VTI1A: variants seen among roughly 807,000 people sequenced by gnomAD.
The protein encoded by VTI1A is vesicle transport through interaction with t-SNAREs 1A, also known as vesicle transport through interaction with t-SNAREs homolog 1A.
In VTI1A, 22 loss-of-function variants were observed where a neutral mutation model predicts 34.9. That is an observed-to-expected ratio of 0.63 (90% CI 0.45 to 0.90). VTI1A has a LOEUF of 0.90. VTI1A is among the 40% of genes least tolerant of loss of function. The pLI is 0.00. For synonymous variants in VTI1A, 87 were observed against 97.3 expected (o/e 0.89, Z 0.62); for missense variants, 268 against 275.6 (o/e 0.97, Z 0.20).
chr10:112,668,056 T>A (rs2133834624), intron 5 of VTI1A, among the ~76,000 whole-genome samples, 162 bp from the exon 6 acceptor site: 1 of 152,314 alleles, frequency 6.6e-6, no homozygotes, highest in Admixed American at 6.5e-5. Context: ...GATAAATTTA[T>A]CAAATACTGT....
rs1180475445 is a variant in VTI1A at position 112,713,067 on chromosome 10, A to G, written c.560+44069A>G. 3.9e-5 allele frequency among the ~76,000 whole-genome samples: 6 copies of G among 152,042 alleles called. 1 individual carries two copies. In the South Asian group the frequency reaches 1.0e-3, roughly 26 times the overall value. ...TTAGGGATCCCCTTTCTGTGTTTCC[A>G]TGGCCATCAAGGCTGCCCAGAATGG... is the stretch of plus-strand genomic sequence containing the variant. On this transcript the variant is annotated intron_variant, in intron 7 of 7. Transcript: ENST00000393077.
chr10:112,668,296 C>A lies in VTI1A; in HGVS notation c.498+8C>A, dbSNP rs756879646. ...CAGCGAGCACGTGAAAGAGTAAGTACAATTGATACAGTTTTTTCACATATT... is the reference window on the plus strand; with the variant it reads ...CAGCGAGCACGTGAAAGAGTAAGTAAAATTGATACAGTTTTTTCACATATT... On this transcript the variant is annotated splice_region_variant and intron_variant, in intron 6 of 7. Transcript: ENST00000393077. 3.7e-6 allele frequency: 6 copies of A among 1,610,934 alleles called. No individual in the cohort carries two copies. Among genetic ancestry groups the A allele is most frequent in the Middle Eastern group, 1.7e-4 (1 of 6,042 alleles).
chr10:112,537,955 G>A (rs1157177461), intron 4 of VTI1A, among the ~76,000 whole-genome samples: 1 of 152,154 alleles, frequency 6.6e-6, no homozygotes, highest in African/African-American at 2.4e-5. Flanking sequence ...CAAAGATCCA[G>A]TTGGGTATGG....
intron 5 of VTI1A, among the ~76,000 whole-genome samples, chr10:112,591,648 G>C (rs1844396428): frequency 6.6e-6 from 1 of 152,174 alleles, no homozygotes. Flanking sequence ...GGTAAAATCT[G>C]GACATCTCAG....
chr10:112,841,718 G>A, the VTI1A span, among the ~76,000 whole-genome samples: 1 of 152,208 alleles, frequency 6.6e-6, no homozygotes, highest in African/African-American at 2.4e-5. Flanking sequence ...CAGATGTGGG[G>A]TGCGGCACTC....
intron 5 of VTI1A, among the ~76,000 whole-genome samples, chr10:112,550,557 C>A (rs1000566251): frequency 3.3e-5 from 5 of 152,022 alleles, no homozygotes; most frequent in African/African-American, 1.2e-4. Flanking sequence ...TCCTCTTGGG[C>A]TACAGTGTTT....
At chr10:112,514,134 G>C (rs374427544) in intron 3 of VTI1A, among the ~76,000 whole-genome samples, 2 of 151,924 alleles carry the variant, frequency 1.3e-5, no homozygotes, top group Non-Finnish European at 1.5e-5. Context: ...GAAAGCTGTC[G>C]GTCCTGGAAT....
chr10:112,517,713 T>C (rs566893170), intron 3 of VTI1A, among the ~76,000 whole-genome samples: 17 of 152,024 alleles, frequency 1.1e-4, no homozygotes, highest in Non-Finnish European at 2.5e-4. Context: ...ATGACTCCAA[T>C]CTAGTCATGA....
chr10:112,633,003 A>G (rs1353162776), intron 5 of VTI1A, among the ~76,000 whole-genome samples: 1 of 152,182 alleles, frequency 6.6e-6, no homozygotes, highest in Non-Finnish European at 1.5e-5. Flanking sequence ...TTTTTTAAAA[A>G]TCCTGTGTGA....
chr10:112,657,843 TAAAAC>T (rs1219697022), intron 5 of VTI1A, among the ~76,000 whole-genome samples: 6 of 151,914 alleles, frequency 3.9e-5, no homozygotes, highest in East Asian at 1.9e-4. Flanking sequence ...ATATATGCCT[TAAAAC>T]AGAACAACAA....
chr10:112,627,953 G>T (rs930276206), intron 5 of VTI1A, among the ~76,000 whole-genome samples: 3 of 152,186 alleles, frequency 2.0e-5, no homozygotes, highest in Non-Finnish European at 4.4e-5. Flanking sequence ...GGATATTTAG[G>T]CAGAGAACAG....
Position 112,756,818 on chromosome 10 carries a change from C to T in VTI1A, c.561-58472C>T, listed in dbSNP as rs116551468. Among the ~76,000 whole-genome samples, 390 of 152,080 alleles carry T rather than the reference C, an allele frequency of 2.6e-3. 3 individuals carry two copies. Among genetic ancestry groups the T allele is most frequent in the African/African-American group, 8.9e-3 (371 of 41,478 alleles). On this transcript the variant is annotated intron_variant, in intron 7 of 7. Transcript: ENST00000393077. ...ATCCTAGCACTTTAGGAGGCCGAGCCGGGAGAATCCCTGAGTCCCAGAGCT... is the reference window on the plus strand; with the variant it reads ...ATCCTAGCACTTTAGGAGGCCGAGCTGGGAGAATCCCTGAGTCCCAGAGCT...
intron 7 of VTI1A, among the ~76,000 whole-genome samples, chr10:112,773,234 A>T (rs1413568996): frequency 6.6e-6 from 1 of 152,218 alleles, no homozygotes. Context: ...CTAAGGTAGG[A>T]TAATAATACC....
At chr10:112,467,835 A>G (rs953701707) in intron 3 of VTI1A, among the ~76,000 whole-genome samples, 2 of 152,218 alleles carry the variant, frequency 1.3e-5, no homozygotes. Flanking sequence ...TCATTCAACA[A>G]GAGTTTCTTG....
At chr10:112,822,506 C>T (rs933131602), downstream of VTI1A, among the ~76,000 whole-genome samples, 7 of 152,140 alleles carry the variant, frequency 4.6e-5, no homozygotes, top group African/African-American at 7.2e-5. Context: ...AGTCCAAATC[C>T]GCTGTGGTGT....
the VTI1A span, among the ~76,000 whole-genome samples, chr10:112,844,489 C>A: frequency 5.6e-4 from 86 of 152,300 alleles, no homozygotes; most frequent in African/African-American, 1.9e-3. Flanking sequence ...ATCTCCACCT[C>A]CCGGGTTGAA....
chr10:112,459,508 C>T (rs945064765), intron 1 of VTI1A, among the ~76,000 whole-genome samples: 4 of 152,252 alleles, frequency 2.6e-5, no homozygotes, highest in South Asian at 2.1e-4. Flanking sequence ...GATTAGATGC[C>T]GGTCATTTGC....
At chr10:112,789,952 CT>C (rs71035402) in intron 7 of VTI1A, among the ~76,000 whole-genome samples, 65,506 of 140,968 alleles carry the variant, frequency 0.46, 15,110 homozygotes, top group East Asian at 0.73. Flanking sequence ...TTTTTCTTTC[CT>C]TTTTTTTTTT....
At chr10:112,714,292 A>G (rs13377063) in intron 7 of VTI1A, among the ~76,000 whole-genome samples, 13 of 152,180 alleles carry the variant, frequency 8.5e-5, no homozygotes, top group Non-Finnish European at 1.9e-4. Flanking sequence ...GTTGGATCTC[A>G]GATAAGCCCC....
Sources: gnomAD v4.1 joint callset for allele counts (sites outside exome capture counted in the v4.1 genomes callset) on GRCh38, gnomAD v4.1.1 for gene constraint, MANE v1.5 for transcripts, NCBI Gene and HGNC (gene_info 2026-07-23, HGNC 2026-07-21) for gene names.